The following ADAMTS6 variants were observed in gnomAD, a reference collection of about 807,000 sequenced individuals.
The protein encoded by ADAMTS6 is ADAM metallopeptidase with thrombospondin type 1 motif 6, also known as A disintegrin and metalloproteinase with thrombospondin motifs 6.
A neutral mutation model predicts 144.3 loss-of-function variants in ADAMTS6; 23 were observed. The observed-to-expected ratio is 0.16, with a 90% CI of 0.11 to 0.23. ADAMTS6 has a LOEUF of 0.23. ADAMTS6 is among the 10% of genes least tolerant of loss of function. ADAMTS6 has a pLI of 1.00. For missense variants in ADAMTS6, 999 were observed against 1,379.6 expected, an observed-to-expected ratio of 0.72 and a Z score of 4.37; for synonymous variants, 444 against 457.5, an observed-to-expected ratio of 0.97 and a Z score of 0.38.
At chr5:65,281,119 T>C (rs1263609643) in intron 11 of ADAMTS6, among the ~76,000 whole-genome samples, 1 of 152,202 alleles carries the variant, frequency 6.6e-6, no homozygotes, top group African/African-American at 2.4e-5. Flanking sequence ...ATCATGGTAA[T>C]CTCTTTAGAA....
chr5:65,357,591 G>A (rs975800262), intron 7 of ADAMTS6, among the ~76,000 whole-genome samples: 18 of 151,050 alleles, frequency 1.2e-4, no homozygotes, highest in African/African-American at 3.9e-4. Flanking sequence ...AAAACAAATT[G>A]AATAAATCGT....
At chr5:65,376,273 A>C (rs1417969674) in intron 7 of ADAMTS6, among the ~76,000 whole-genome samples, 12 of 152,132 alleles carry the variant, frequency 7.9e-5, no homozygotes, top group Non-Finnish European at 1.5e-5. Context: ...ATAATAAAAA[A>C]TAAAAACATA....
intron 7 of ADAMTS6, among the ~76,000 whole-genome samples, chr5:65,406,541 C>T (rs943716336): frequency 3.3e-5 from 5 of 152,038 alleles, no homozygotes; most frequent in South Asian, 2.1e-4. Flanking sequence ...CTGCTGGATT[C>T]CGTTTGCCAG....
chr5:65,261,501 A>C (rs1020581102), intron 13 of ADAMTS6, among the ~76,000 whole-genome samples: 1 of 147,968 alleles, frequency 6.8e-6, no homozygotes, highest in Non-Finnish European at 1.5e-5. Context: ...CTTTCAGTTG[A>C]ACTTACGTTA....
chr5:65,343,279 C>T (rs1748026578), intron 7 of ADAMTS6, among the ~76,000 whole-genome samples: 1 of 152,072 alleles, frequency 6.6e-6, no homozygotes, highest in South Asian at 2.1e-4. Context: ...CACCATACTA[C>T]CAGAACTCAA....
At chr5:65,336,446 C>T (rs1747318045) in intron 7 of ADAMTS6, among the ~76,000 whole-genome samples, 1 of 152,032 alleles carries the variant, frequency 6.6e-6, no homozygotes, top group Admixed American at 6.6e-5. Flanking sequence ...GAAGCACTGC[C>T]CCACTTTGCA....
intron 20 of ADAMTS6, among the ~76,000 whole-genome samples, chr5:65,198,355 A>G (rs1755522230): frequency 6.6e-6 from 1 of 151,968 alleles, no homozygotes; most frequent in African/African-American, 2.4e-5. Flanking sequence ...TTCAAGTAAT[A>G]ATGCCCTAAA....
chr5:65,285,415 A>G (rs1489413302), intron 11 of ADAMTS6, among the ~76,000 whole-genome samples: 5 of 152,142 alleles, frequency 3.3e-5, no homozygotes, highest in African/African-American at 9.7e-5. Flanking sequence ...ATATTTATTG[A>G]GTTCCCATAT....
chr5:65,214,387 C>T lies in ADAMTS6; in HGVS notation c.2575+407G>A. On this transcript the variant is annotated intron_variant, in intron 20 of 24. Coordinates refer to ENST00000381055, the MANE Select transcript of ADAMTS6 (RefSeq NM_197941.4). This position sits in a 1 kb window ranked among gnomAD's most constrained non-coding sequence, Gnocchi z 4.6. ...GCAAACACACAGGCACACAAACACA[C>T]ACAACAAGCACACAGCCGTACATTC... 8.9e-6 allele frequency: 3 copies of T among 336,408 alleles called. No homozygotes were observed. Among genetic ancestry groups the T allele is most frequent in the Non-Finnish European group, 1.7e-5 (3 of 173,072 alleles). 20.8% of individuals were successfully genotyped at this position (336,408 alleles called of 1,614,324 possible). A position where few individuals can be genotyped will look rare whatever the true frequency, so the allele number is the denominator to read the frequency against.
chr5:65,391,506 T>C (rs887185600), intron 7 of ADAMTS6, among the ~76,000 whole-genome samples: 5 of 152,064 alleles, frequency 3.3e-5, no homozygotes, highest in African/African-American at 1.2e-4. Context: ...TATTTCAGTA[T>C]GTAAATCCTA....
intron 24 of ADAMTS6, among the ~76,000 whole-genome samples, chr5:65,152,506 G>A (rs1170734167): frequency 6.6e-6 from 1 of 152,204 alleles, no homozygotes; most frequent in Admixed American, 6.5e-5. Flanking sequence ...AGCTTTGAGG[G>A]GTTGGCCTCA....
intron 24 of ADAMTS6, among the ~76,000 whole-genome samples, chr5:65,153,714 C>T (rs1752253517): frequency 6.6e-6 from 1 of 152,140 alleles, no homozygotes; most frequent in South Asian, 2.1e-4. Flanking sequence ...GCAGACAAAA[C>T]AAAGTGGAGT....
At chr5:65,317,169 C>T (rs935388705) in intron 9 of ADAMTS6, among the ~76,000 whole-genome samples, 1 of 152,068 alleles carries the variant, frequency 6.6e-6, no homozygotes, top group African/African-American at 2.4e-5. Flanking sequence ...CAAAAACTGA[C>T]GGAGTGAAAA....
chr5:65,375,695 C>T (rs1392589449), intron 7 of ADAMTS6, among the ~76,000 whole-genome samples: 1 of 152,088 alleles, frequency 6.6e-6, no homozygotes, highest in South Asian at 2.1e-4. Context: ...TTGTGGAAGT[C>T]AGTGTGGCGA....
intron 24 of ADAMTS6, among the ~76,000 whole-genome samples, chr5:65,153,173 C>T (rs1442420015): frequency 6.6e-6 from 1 of 152,168 alleles, no homozygotes; most frequent in African/African-American, 2.4e-5. Context: ...AGATAACAAT[C>T]TTATTGATCT....
chr5:65,204,072 G>A (rs1246857588), intron 20 of ADAMTS6, among the ~76,000 whole-genome samples: 1 of 152,150 alleles, frequency 6.6e-6, no homozygotes, highest in Non-Finnish European at 1.5e-5. Flanking sequence ...GAATATTTTG[G>A]CTTAGCAGAG....
At chr5:65,417,397 A>G (rs527652941) in intron 7 of ADAMTS6, among the ~76,000 whole-genome samples, 7 of 152,316 alleles carry the variant, frequency 4.6e-5, no homozygotes, top group African/African-American at 1.7e-4. Context: ...GGCAAGAAAA[A>G]TAAATAAAAG....
intron 7 of ADAMTS6, among the ~76,000 whole-genome samples, chr5:65,391,055 A>T (rs1302716797): frequency 1.3e-5 from 2 of 151,002 alleles, no homozygotes; most frequent in Non-Finnish European, 2.9e-5. Context: ...CAACTAGTTG[A>T]GACTATAGGC....
At chr5:65,464,584 G>T (rs78840575) in intron 3 of ADAMTS6, among the ~76,000 whole-genome samples, 1 of 152,056 alleles carries the variant, frequency 6.6e-6, no homozygotes, top group Non-Finnish European at 1.5e-5. Flanking sequence ...GCCCACTTCA[G>T]TTCACAATCC....
Sources: allele counts gnomAD v4.1 joint callset (sites outside exome capture counted in the v4.1 genomes callset), GRCh38; gene constraint gnomAD v4.1.1; non-coding constraint Gnocchi (gnomAD v3.1); transcripts MANE v1.5; gene names NCBI Gene and HGNC (gene_info 2026-07-23, HGNC 2026-07-21).